CEP63: variants seen among roughly 807,000 people sequenced by gnomAD.
The protein encoded by CEP63 is centrosomal protein 63.
A neutral mutation model predicts 89.1 loss-of-function variants in CEP63; 84 were observed. The ratio of observed to expected loss-of-function variants is 0.94; its 90% CI spans 0.79 to 1.13. The LOEUF (loss-of-function observed/expected upper bound fraction) is 1.13. Among genes scored for constraint, CEP63 ranks in the 50% most tolerant of loss-of-function variants. The pLI, the probability that CEP63 is intolerant of heterozygous loss-of-function variation, is 0.00. For missense variants in CEP63, 838 were observed against 813.3 expected, an observed-to-expected ratio of 1.03 and a Z score of -0.37; for synonymous variants, 267 against 272.5, an observed-to-expected ratio of 0.98 and a Z score of 0.20.
chr3:134,549,935 A>G, intron 10 of CEP63, 128 bp from the exon 11 acceptor site: 2 of 757,866 alleles, frequency 2.6e-6, no homozygotes, highest in South Asian at 3.4e-5. Context: ...ATTTTTCTGC[A>G]GATTTAATTT....
At chr3:134,554,688 A>G (rs1442687690) in intron 12 of CEP63, among the ~76,000 whole-genome samples, 1 of 152,180 alleles carries the variant, frequency 6.6e-6, no homozygotes. Flanking sequence ...GAACTACTTT[A>G]TAGTCCCACC....
At chr3:134,587,778 G>C (rs930159805) in exon 11 of CEP63, among the ~76,000 whole-genome samples, 3 of 151,612 alleles carry the variant, frequency 2.0e-5, no homozygotes, top group African/African-American at 7.3e-5. Context: ...CATCGATCAC[G>C]CTGGGAGCTA....
At chr3:134,508,775 A>T (rs1287555712) in intron 3 of CEP63, among the ~76,000 whole-genome samples, 4 of 152,164 alleles carry the variant, frequency 2.6e-5, no homozygotes, top group Admixed American at 2.0e-4. Flanking sequence ...AAGGATATGA[A>T]GATGTTAAGT....
At chr3:134,702,868 G>C in the CEP63 span, among the ~76,000 whole-genome samples, 3 of 152,308 alleles carry the variant, frequency 2.0e-5, no homozygotes, top group African/African-American at 7.2e-5. Flanking sequence ...CACTGTTGGT[G>C]AGAGTGTAAA....
chr3:134,650,616 G>A, the CEP63 span, among the ~76,000 whole-genome samples: 1 of 152,202 alleles, frequency 6.6e-6, no homozygotes, highest in Non-Finnish European at 1.5e-5. Flanking sequence ...TGAAACTGGG[G>A]CAATCACGGG....
At chr3:134,485,991 G>GCCCCCCCCCCCCCCCCCCCCCC (rs5852785), upstream of CEP63, 1 of 846,592 alleles carries the variant, frequency 1.2e-6, no homozygotes, top group African/African-American at 1.9e-5. Context: ...CTCCTGCCAC[G>GCCCCCCCCCCCCCCCCCCCCCC]CCCCCCCCCC....
chr3:134,771,314 T>C, the CEP63 span, among the ~76,000 whole-genome samples: 1 of 152,188 alleles, frequency 6.6e-6, no homozygotes. Context: ...TGCAGGGACA[T>C]GGATGAAGCT....
chr3:134,510,808 C>G, intron 3 of CEP63: 1 of 337,868 alleles, frequency 3.0e-6, no homozygotes, highest in Non-Finnish European at 5.8e-6. Flanking sequence ...CCCTGGAGGC[C>G]AGCAAAGCAC....
the CEP63 span, among the ~76,000 whole-genome samples, chr3:134,722,877 C>T: frequency 2.0e-4 from 30 of 152,222 alleles, no homozygotes; most frequent in East Asian, 5.8e-3. Flanking sequence ...AAGATGATTC[C>T]AATGCCTACA....
At chr3:134,777,596 T>G in the CEP63 span, among the ~76,000 whole-genome samples, 1 of 146,142 alleles carries the variant, frequency 6.8e-6, no homozygotes, top group Admixed American at 7.1e-5. Context: ...CTTCAACCTT[T>G]GAAAGAATAG....
the CEP63 span, among the ~76,000 whole-genome samples, chr3:134,677,953 C>T: frequency 6.6e-6 from 1 of 151,854 alleles, no homozygotes; most frequent in Non-Finnish European, 1.5e-5. Context: ...TTGCTGGTCT[C>T]TTTGTCTCCA....
the CEP63 span, among the ~76,000 whole-genome samples, chr3:134,686,202 A>G: frequency 5.3e-5 from 8 of 152,202 alleles, no homozygotes; most frequent in Non-Finnish European, 8.8e-5. Flanking sequence ...GAAAAGCAAA[A>G]GTCCTAGATA....
At chr3:134,608,538 A>T in the CEP63 span, 1 of 1,602,238 alleles carries the variant, frequency 6.2e-7, no homozygotes, top group African/African-American at 1.3e-5. Flanking sequence ...CTCACAAGCC[A>T]TGCGTCTGGA....
chr3:134,689,393 A>G, the CEP63 span, among the ~76,000 whole-genome samples: 1 of 152,184 alleles, frequency 6.6e-6, no homozygotes, highest in Non-Finnish European at 1.5e-5. Flanking sequence ...GTGGAGTCCA[A>G]AAACAGAGCT....
At chr3:134,650,326 A>G in the CEP63 span, among the ~76,000 whole-genome samples, 1 of 152,160 alleles carries the variant, frequency 6.6e-6, no homozygotes, top group Non-Finnish European at 1.5e-5. Context: ...GCTGGGAGAA[A>G]GTCTCAAGAA....
intron 10 of CEP63, 72 bp from the exon 11 acceptor site, chr3:134,549,991 A>T: frequency 9.8e-7 from 1 of 1,024,656 alleles, no homozygotes; most frequent in Non-Finnish European, 1.5e-6. Flanking sequence ...TTATTTTATT[A>T]GCTAGTAACA....
At chr3:134,691,957 G>A in the CEP63 span, among the ~76,000 whole-genome samples, 3 of 152,050 alleles carry the variant, frequency 2.0e-5, no homozygotes, top group African/African-American at 4.8e-5. Context: ...TGATCTGCTC[G>A]TCTTGATCTC....
chr3:134,542,668 T>C (rs1196507145), intron 6 of CEP63, among the ~76,000 whole-genome samples: 2 of 152,212 alleles, frequency 1.3e-5, no homozygotes, highest in African/African-American at 4.8e-5. Flanking sequence ...CACCAGGAAG[T>C]AGCTATCACA....
At chr3:134,776,133 C>T in the CEP63 span, among the ~76,000 whole-genome samples, 10 of 152,180 alleles carry the variant, frequency 6.6e-5, no homozygotes, top group Non-Finnish European at 1.0e-4. Flanking sequence ...TACCATGCAC[C>T]GCAACCCATC....
Sources: gnomAD v4.1 joint callset for allele counts (sites outside exome capture counted in the v4.1 genomes callset) on GRCh38, gnomAD v4.1.1 for gene constraint, MANE v1.5 for transcripts, NCBI Gene and HGNC (gene_info 2026-07-23, HGNC 2026-07-21) for gene names.